The following DST variants were observed in gnomAD, a reference collection of about 807,000 sequenced individuals.
The protein encoded by DST is dystonin, also known as bullous pemphigoid antigen.
DST carries 253 observed loss-of-function variants against 875.2 expected under a neutral mutation model. The ratio of observed to expected loss-of-function variants is 0.29; its 90% CI spans 0.26 to 0.32. The LOEUF (loss-of-function observed/expected upper bound fraction) is 0.32, where lower values mean the gene tolerates loss of function less well. Ranked by LOEUF, DST falls within the 10% of genes least tolerant of loss-of-function variation. The pLI is 1.00. For synonymous variants in DST, 3,124 were observed against 3,197.1 expected (o/e 0.98, Z 0.77); for missense variants, 8,287 against 9,111.6 (o/e 0.91, Z 3.68).
In DST at chr6:56,600,141, T is replaced by C. The variant is rs747159473; in HGVS notation, c.11622A>G (p.Leu3874=). The change falls in exon 45 of 104, where the codon CTA becomes CTG. Residue 3874 remains leucine (L), a synonymous_variant. Coordinates refer to ENST00000680361, the MANE Select transcript of DST (RefSeq NM_001374736.1). Reference sequence around the variant, plus strand: ...TCATGAAGGCTTCTTGGTGACCAATTAGGCGGTTTTCAGTTTGGGTAAGAA... The same window carrying C: ...TCATGAAGGCTTCTTGGTGACCAATCAGGCGGTTTTCAGTTTGGGTAAGAA... ...CDLLTQTENR[L]IGHQEAFMIG... 3.1e-6 allele frequency: 5 copies of C among 1,612,936 alleles called. No individual in the cohort carries two copies. The highest frequency in any genetic ancestry group is 1.7e-5 in the Admixed American group (1 of 59,950).
At chr6:56,749,588 AG>A (rs1319304884) in intron 4 of DST, among the ~76,000 whole-genome samples, 3 of 152,214 alleles carry the variant, frequency 2.0e-5, no homozygotes, top group Non-Finnish European at 2.9e-5. Flanking sequence ...TAGAATTCTT[AG>A]TAACTACTTT....
intron 4 of DST, among the ~76,000 whole-genome samples, chr6:56,770,181 C>T (rs575761050): frequency 8.5e-5 from 13 of 152,140 alleles, no homozygotes; most frequent in East Asian, 5.8e-4. Context: ...TTTAATGATG[C>T]AATAGTAACC....
chr6:56,579,037 A>G (rs1024194618), intron 49 of DST, 100 bp from the exon 50 acceptor site: 1 of 1,098,490 alleles, frequency 9.1e-7, no homozygotes, highest in African/African-American at 1.6e-5. Flanking sequence ...AAAATTGGAC[A>G]GAATAAACTT....
chr6:56,620,319 G>A lies in DST; in HGVS notation c.4929+4211C>T, dbSNP rs371231287. On this transcript the variant is annotated intron_variant, in intron 36 of 103. Coordinates refer to ENST00000680361, the MANE Select transcript of DST (RefSeq NM_001374736.1). ...AAGGTGTTTTCCTCCAACTGATTGC[G>A]AAAATTCAGGAGGTTCTCTTCCACG... 3.0e-5 allele frequency: 48 copies of A among 1,613,966 alleles called. No individual in the cohort carries two copies. The Middle Eastern group carries it at 4.9e-4, about 17-fold the overall frequency.
chr6:56,883,258 A>G (rs944648180), intron 3 of DST, among the ~76,000 whole-genome samples: 7 of 152,208 alleles, frequency 4.6e-5, no homozygotes, highest in African/African-American at 1.2e-4. Flanking sequence ...GTCTTGCGGG[A>G]AAAAAATCTG....
At chr6:56,562,249 T>C (rs1312740510) in intron 55 of DST, 49 bp from the exon 56 acceptor site, 2 of 1,320,102 alleles carry the variant, frequency 1.5e-6, no homozygotes, top group Admixed American at 2.2e-5. Context: ...AGTATTTCTA[T>C]ACATTAACAG....
At chr6:56,778,559 G>A (rs1158879993) in intron 4 of DST, among the ~76,000 whole-genome samples, 24 of 122,958 alleles carry the variant, frequency 2.0e-4, no homozygotes, top group Non-Finnish European at 1.4e-4. Context: ...ACAGGCCCCG[G>A]TGTGTGATGT....
At position 56,617,881 on chromosome 6, in the gene DST, A is replaced by G; in HGVS notation, c.4930-3397T>C. The G allele has an allele frequency of 3.2e-6, 3 of 932,622 alleles. 1 individual carries two copies. The Admixed American group carries it at 5.3e-5, about 17-fold the overall frequency. The allele number at this position is 932,622 out of a possible 1,614,324, so 57.8% of individuals were successfully genotyped here. A position where few individuals can be genotyped will look rare whatever the true frequency, so the allele number is the denominator to read the frequency against. The stretch of plus-strand genomic sequence containing the variant: ...TTTCCTGTCAGAACTACAATGAGCC[A>G]ATCACATTCAAAATTGTTTTAAAAA... On this transcript the variant is annotated intron_variant, in intron 36 of 103. Transcript: ENST00000680361.
chr6:56,650,466 C>T lies in DST; in HGVS notation c.1434+460G>A, dbSNP rs7758238. Reference sequence around the variant, plus strand: ...AGTGGCTCTGCTAATTTGGCCAAATCCAATAATTTTCCTCTGGAGTCCTCC... The same window carrying T: ...AGTGGCTCTGCTAATTTGGCCAAATTCAATAATTTTCCTCTGGAGTCCTCC... On this transcript the variant is annotated intron_variant, in intron 12 of 103. Coordinates refer to ENST00000680361, the MANE Select transcript of DST (RefSeq NM_001374736.1). Among the ~76,000 whole-genome samples, 917 of 152,130 alleles carry T rather than the reference C, an allele frequency of 6.0e-3. 10 individuals are homozygous for T. Among genetic ancestry groups the T allele is most frequent in the African/African-American group, 0.021 (855 of 41,522 alleles).
intron 92 of DST, 162 bp from the exon 93 acceptor site, chr6:56,474,164 C>G: frequency 1.7e-6 from 1 of 600,750 alleles, no homozygotes; most frequent in Non-Finnish European, 2.8e-6. Flanking sequence ...AACCATCATA[C>G]TGCAGGCATT....
chr6:56,646,163 A>G lies in DST; in HGVS notation c.1574T>C (p.Leu525Ser). 1 of 1,505,118 alleles carries G rather than the reference A, an allele frequency of 6.6e-7. No individual in the cohort carries two copies. Among genetic ancestry groups the G allele is most frequent in the Non-Finnish European group, 9.0e-7 (1 of 1,110,714 alleles). 93.2% of individuals were successfully genotyped at this position (1,505,118 alleles called of 1,614,324 possible). A position where few individuals can be genotyped will look rare whatever the true frequency, so the allele number is the denominator to read the frequency against. Residue 525 changes from leucine (L) to serine (S), a missense_variant, in exon 14 of 104, where the codon TTA becomes TCA. Leu to Ser is a moderately radical substitution (Grantham distance 145). Transcript: ENST00000680361. ...VELKALYNQY[L>S]QFKETEIPPK... ...TGGAATTTCTGTTTCTTTAAACTGT[A>G]AATACTGATTATAAAGTGCCTAAAA...
Position 56,641,591 on chromosome 6 carries a change from G to A in DST, c.2027+356C>T, listed in dbSNP as rs149664549. Among the ~76,000 whole-genome samples, 1,196 of 152,052 alleles carry A rather than the reference G, an allele frequency of 7.9e-3. 12 individuals are homozygous for A. The highest frequency in any genetic ancestry group is 0.028 in the African/African-American group (1,152 of 41,504). On this transcript the variant is annotated intron_variant, in intron 17 of 103. Transcript: ENST00000680361. ...TGAGAGAGCAAAACTGCATCTCAAAGAACAAAAAACAGACACTTTTCTTAG... is the reference window on the plus strand; with the variant it reads ...TGAGAGAGCAAAACTGCATCTCAAAAAACAAAAAACAGACACTTTTCTTAG...
intron 4 of DST, among the ~76,000 whole-genome samples, chr6:56,807,051 C>T (rs1180350763): frequency 6.8e-6 from 1 of 146,626 alleles, no homozygotes; most frequent in Non-Finnish European, 1.5e-5. Context: ...TGAATTTCTC[C>T]CCACTGACCT....
chr6:56,529,833 A>G (rs2096864534), intron 65 of DST, 59 bp from the exon 66 acceptor site: 1 of 1,460,412 alleles, frequency 6.8e-7, no homozygotes, highest in Non-Finnish European at 9.1e-7. Flanking sequence ...AATAAAAATG[A>G]AAACATAAAT....
intron 44 of DST, 131 bp from the exon 45 acceptor site, chr6:56,600,352 T>A: frequency 1.2e-6 from 1 of 801,612 alleles, no homozygotes; most frequent in Non-Finnish European, 2.0e-6. Flanking sequence ...GTAAACATGA[T>A]AGCAGTAGGG....
Position 56,640,307 on chromosome 6 carries a change from G to C in DST, c.2326C>G (p.Pro776Ala), listed in dbSNP as rs147511004. The C allele has an allele frequency of 1.2e-6, 2 of 1,614,112 alleles. No homozygotes were observed. The highest frequency in any genetic ancestry group is 1.7e-6 in the Non-Finnish European group (2 of 1,180,016). The stretch of plus-strand genomic sequence containing the variant: ...GGCTCTACTCCTGAACTGAAATTTG[G>C]AACTAATCCTGATGGGAAACCAGGT... ...YTPGFPSGLV[P>A]NFSSGVEPNS... Residue 776 changes from proline to alanine, a missense_variant, in exon 18 of 104, where the codon CCA becomes GCA. Pro to Ala is a conservative substitution (Grantham distance 27, BLOSUM62 -1). This residue lies in a region of DST where 1,160 missense variants were observed against 1,424.3 expected (regional missense o/e 0.81). Transcript: ENST00000680361.
intron 4 of DST, chr6:56,842,943 C>A: frequency 1.9e-6 from 2 of 1,058,012 alleles, no homozygotes; most frequent in Non-Finnish European, 2.5e-6. Context: ...CAAGACTGGT[C>A]CAGACACCTG....
chr6:56,636,267 CAA>C (rs869069034), intron 23 of DST, among the ~76,000 whole-genome samples: 172 of 147,326 alleles, frequency 1.2e-3, no homozygotes, highest in African/African-American at 4.2e-3. Context: ...CACACACACA[CAA>C]ACACACACAC....
chr6:56,617,098 T>C, intron 36 of DST: 1 of 1,614,032 alleles, frequency 6.2e-7, no homozygotes, highest in South Asian at 1.1e-5. Flanking sequence ...TCTGAACTTC[T>C]TCAACAGTCT....
Sources: gnomAD v4.1 joint callset for allele counts (sites outside exome capture counted in the v4.1 genomes callset) on GRCh38, gnomAD v4.1.1 for gene constraint, gnomAD v4.1.1 regional missense constraint, MANE v1.5 for transcripts, NCBI Gene and HGNC (gene_info 2026-07-23, HGNC 2026-07-21) for gene names.